The following PKNOX2 variants were observed in gnomAD, a reference collection of about 807,000 sequenced individuals.
PKNOX2 encodes homeobox protein PKNOX2.
Under a neutral mutation model 53.1 loss-of-function variants are expected in PKNOX2, and 14 were observed. The observed-to-expected ratio is 0.26, with a 90% CI of 0.17 to 0.41. The LOEUF (loss-of-function observed/expected upper bound fraction) is 0.41. Ranked by LOEUF, PKNOX2 falls within the 10% of genes least tolerant of loss-of-function variation. The pLI, the probability that PKNOX2 is intolerant of heterozygous loss-of-function variation, is 1.00. For missense variants in PKNOX2, 496 were observed against 602.8 expected (o/e 0.82, Z 1.85); for synonymous variants, 257 against 242.8 (o/e 1.06, Z -0.54).
At chr11:125,330,081 T>C (rs1299696832) in intron 2 of PKNOX2, among the ~76,000 whole-genome samples, 1 of 151,656 alleles carries the variant, frequency 6.6e-6, no homozygotes, top group African/African-American at 2.4e-5. Flanking sequence ...AGGGGTGCGC[T>C]GTGGGGCCGA....
chr11:125,231,386 A>G (rs1266439506), intron 1 of PKNOX2, among the ~76,000 whole-genome samples: 1 of 152,200 alleles, frequency 6.6e-6, no homozygotes, highest in African/African-American at 2.4e-5. Context: ...CTCCTCATTT[A>G]CCATTTCATA....
chr11:125,241,606 C>T (rs1415786487), intron 2 of PKNOX2, among the ~76,000 whole-genome samples: 2 of 152,198 alleles, frequency 1.3e-5, no homozygotes, highest in Non-Finnish European at 2.9e-5. Flanking sequence ...CCTGTAATCC[C>T]AGCACTTTGG....
chr11:125,366,713 A>G (rs907006676), intron 4 of PKNOX2, among the ~76,000 whole-genome samples: 3 of 152,264 alleles, frequency 2.0e-5, no homozygotes, highest in African/African-American at 7.2e-5. Flanking sequence ...ATGTACCAGC[A>G]ATGCTTGTAT....
intron 7 of PKNOX2, among the ~76,000 whole-genome samples, chr11:125,404,787 C>A (rs981121074): frequency 6.6e-6 from 1 of 152,174 alleles, no homozygotes; most frequent in Non-Finnish European, 1.5e-5. Flanking sequence ...AAAAAGCCTG[C>A]CACCAAGCTA....
At chr11:125,311,245 A>G (rs1430219564) in intron 2 of PKNOX2, among the ~76,000 whole-genome samples, 1 of 152,244 alleles carries the variant, frequency 6.6e-6, no homozygotes, top group Non-Finnish European at 1.5e-5. Flanking sequence ...ATTCCCCATT[A>G]GAAAGACATG....
In PKNOX2 at chr11:125,318,175, C is replaced by T. The variant is rs935262031; in HGVS notation, c.-129-13644C>T. On this transcript the variant is annotated intron_variant, in intron 2 of 12. Coordinates refer to ENST00000298282, the MANE Select transcript of PKNOX2 (RefSeq NM_001382323.2). The stretch of plus-strand genomic sequence containing the variant: ...AGGCTGGAATACAATGGTGCAATCT[C>T]GACTCACTGCAACTTCTGCCCCCTG... Among the ~76,000 whole-genome samples, 5 of 152,118 alleles carry T rather than the reference C, an allele frequency of 3.3e-5. No individual in the cohort carries two copies. In the South Asian group the frequency reaches 8.3e-4, roughly 25 times the overall value.
intron 1 of PKNOX2, among the ~76,000 whole-genome samples, chr11:125,224,799 T>G (rs1299753624): frequency 2.0e-5 from 3 of 152,146 alleles, no homozygotes; most frequent in Non-Finnish European, 1.5e-5. Context: ...ACCGTACACA[T>G]CTGTCTAACC....
chr11:125,356,546 C>T (rs1262299472), intron 4 of PKNOX2, among the ~76,000 whole-genome samples: 1 of 152,222 alleles, frequency 6.6e-6, no homozygotes, highest in Non-Finnish European at 1.5e-5. Context: ...CTCCAGCATC[C>T]CTCAGAGTGG....
At chr11:125,310,495 A>C (rs1213667124) in intron 2 of PKNOX2, among the ~76,000 whole-genome samples, 1 of 148,180 alleles carries the variant, frequency 6.7e-6, no homozygotes, top group African/African-American at 2.5e-5. Context: ...ACTCTGTCTC[A>C]AAAAAAAAAA....
intron 2 of PKNOX2, among the ~76,000 whole-genome samples, chr11:125,297,417 C>T (rs1310380882): frequency 6.6e-6 from 1 of 152,164 alleles, no homozygotes; most frequent in Non-Finnish European, 1.5e-5. Flanking sequence ...GTGGTGGCAA[C>T]AGCAGTTTAA....
intron 1 of PKNOX2, among the ~76,000 whole-genome samples, chr11:125,171,691 C>G (rs1429271377): frequency 6.6e-6 from 1 of 152,210 alleles, no homozygotes; most frequent in Non-Finnish European, 1.5e-5. Flanking sequence ...TTTTGCTTCC[C>G]CAGAACCTGG....
intron 2 of PKNOX2, among the ~76,000 whole-genome samples, chr11:125,295,219 C>G (rs979474212): frequency 1.3e-5 from 2 of 152,230 alleles, no homozygotes; most frequent in Non-Finnish European, 1.5e-5. Flanking sequence ...CCGTGATGCC[C>G]CTGACAACAA....
At chr11:125,408,341 G>C (rs192846818) in intron 7 of PKNOX2, among the ~76,000 whole-genome samples, 3 of 152,182 alleles carry the variant, frequency 2.0e-5, no homozygotes, top group African/African-American at 7.2e-5. Context: ...TAAGCTTCAC[G>C]GGCTAGGCGG....
intron 2 of PKNOX2, among the ~76,000 whole-genome samples, chr11:125,263,336 CATGAGG>C (rs1945029638): frequency 6.6e-6 from 1 of 152,220 alleles, no homozygotes; most frequent in Non-Finnish European, 1.5e-5. Flanking sequence ...GGGGAAGCCG[CATGAGG>C]AGGAGCGGCG....
intron 1 of PKNOX2, among the ~76,000 whole-genome samples, chr11:125,175,013 G>T (rs1955600745): frequency 6.6e-6 from 1 of 152,136 alleles, no homozygotes; most frequent in Admixed American, 6.5e-5. Flanking sequence ...TGTTTCCAAG[G>T]AACCTGACTT....
At chr11:125,295,417 C>CGTGTGTGTGTGCATGTGTCCATACACAT (rs1565490127) in intron 2 of PKNOX2, among the ~76,000 whole-genome samples, 2 of 152,138 alleles carry the variant, frequency 1.3e-5, no homozygotes, top group Non-Finnish European at 2.9e-5. Context: ...TATGTACACA[C>CGTGTGTGTGTGCATGTGTCCATACACAT]GTGTGTGTGT....
intron 1 of PKNOX2, among the ~76,000 whole-genome samples, chr11:125,232,864 T>TTTTTTG (rs1191632069): frequency 7.9e-5 from 12 of 151,868 alleles, no homozygotes; most frequent in South Asian, 2.1e-4. Flanking sequence ...CCCATTATGG[T>TTTTTTG]TTTTTGTTTT....
At chr11:125,400,746 T>C (rs1419471180) in intron 7 of PKNOX2, among the ~76,000 whole-genome samples, 1 of 152,188 alleles carries the variant, frequency 6.6e-6, no homozygotes, top group African/African-American at 2.4e-5. Flanking sequence ...CTCCACTAAC[T>C]GGTGGAGCTT....
At chr11:125,198,769 C>T (rs687219) in intron 1 of PKNOX2, among the ~76,000 whole-genome samples, 1 of 151,918 alleles carries the variant, frequency 6.6e-6, no homozygotes, top group Non-Finnish European at 1.5e-5. Flanking sequence ...TTTGCAGATT[C>T]TACTCCCTCA....
Sources: gnomAD v4.1 joint callset for allele counts (sites outside exome capture counted in the v4.1 genomes callset) on GRCh38, gnomAD v4.1.1 for gene constraint, MANE v1.5 for transcripts, NCBI Gene and HGNC (gene_info 2026-07-23, HGNC 2026-07-21) for gene names.